Variants in UROS observed in about 807,000 individuals in gnomAD.
UROS encodes the protein uroporphyrinogen-III synthase.
A neutral mutation model predicts 33.0 loss-of-function variants in UROS; 18 were observed. The observed-to-expected ratio is 0.55, with a 90% confidence interval of 0.38 to 0.81. The LOEUF is 0.81. Ranked by LOEUF, UROS falls within the 30% of genes least tolerant of loss-of-function variation. The pLI is 0.00. For synonymous variants in UROS, 114 were observed against 121.1 expected (o/e 0.94, Z 0.38); for missense variants, 293 against 314.9 (o/e 0.93, Z 0.53).
chr10:125,786,171 A>G (rs992939334), downstream of UROS, among the ~76,000 whole-genome samples: 4 of 152,032 alleles, frequency 2.6e-5, no homozygotes, highest in African/African-American at 9.7e-5. Flanking sequence ...TCAAAGCTGA[A>G]CCTCTCCCAG....
Position 125,813,101 on chromosome 10 carries a change from T to C in UROS, c.245-813A>G, listed in dbSNP as rs560084296. Reference sequence around the variant, plus strand: ...CTTCCTACCCCATAAATATCAATAGTATTTATTCAAAAGTTATCCATAGCA... The same window carrying C: ...CTTCCTACCCCATAAATATCAATAGCATTTATTCAAAAGTTATCCATAGCA... On this transcript the variant is annotated intron_variant, in intron 4 of 9. Coordinates refer to ENST00000368797, the MANE Select transcript of UROS (RefSeq NM_000375.3). Among the ~76,000 whole-genome samples the C allele has an allele frequency of 2.6e-5, 4 of 152,306 alleles. No individual in the cohort carries two copies. The South Asian group carries it at 8.3e-4, about 32-fold the overall frequency.
At chr10:125,790,586 A>G (rs1038435422) in intron 9 of UROS, among the ~76,000 whole-genome samples, 1 of 152,134 alleles carries the variant, frequency 6.6e-6, no homozygotes, top group Admixed American at 6.5e-5. Flanking sequence ...AGGTGGGCAG[A>G]TCACCTGAGG....
At chr10:125,795,661 C>T (rs989265304) in intron 8 of UROS, among the ~76,000 whole-genome samples, 6 of 152,152 alleles carry the variant, frequency 3.9e-5, no homozygotes, top group African/African-American at 1.2e-4. Context: ...CCAGCTCCAC[C>T]AGCATCCCCG....
At chr10:125,813,400 G>A (rs189849234) in intron 4 of UROS, among the ~76,000 whole-genome samples, 1 of 152,256 alleles carries the variant, frequency 6.6e-6, no homozygotes, top group Admixed American at 6.5e-5. Context: ...GAGTTATAGT[G>A]ACCTTTCTAG....
At position 125,823,214 on chromosome 10, in the gene UROS, T is replaced by TG. The variant is rs1452934994; in HGVS notation, c.-213dup. 1 of 209,818 alleles carries TG rather than the reference T, an allele frequency of 4.8e-6. No homozygotes were observed. Among genetic ancestry groups the TG allele is most frequent in the Non-Finnish European group, 9.6e-6 (1 of 104,480 alleles). The allele number at this position is 209,818 out of a possible 1,614,324, so 13.0% of individuals were successfully genotyped here. On this transcript the variant is annotated 5_prime_UTR_variant, in exon 1 of 10. Coordinates refer to ENST00000368797, the MANE Select transcript of UROS (RefSeq NM_000375.3). ...GGCCCCAGGACCCCGCACCTCAGAC[T>TG]GGGGTCGCGTGGGTGGCTGCGCGCA...
chr10:125,805,716 T>C (rs985072148), intron 6 of UROS, among the ~76,000 whole-genome samples: 8 of 152,154 alleles, frequency 5.3e-5, no homozygotes, highest in African/African-American at 1.9e-4. Flanking sequence ...CCAGCACAGC[T>C]TGCAGTGGAC....
chr10:125,788,269 G>A (rs1564768186), downstream of UROS, among the ~76,000 whole-genome samples: 1 of 152,188 alleles, frequency 6.6e-6, no homozygotes, highest in Non-Finnish European at 1.5e-5. Context: ...CACTGCATTT[G>A]CACATGAACC....
intron 9 of UROS, among the ~76,000 whole-genome samples, chr10:125,791,070 C>T (rs1244292624): frequency 2.8e-5 from 4 of 144,676 alleles, no homozygotes; most frequent in African/African-American, 1.0e-4. Flanking sequence ...CCAGCCTGGG[C>T]AACAGAGCGA....
At chr10:125,792,469 A>C (rs546087027) in intron 9 of UROS, 78 of 152,364 alleles carry the variant, frequency 5.1e-4, no homozygotes, top group African/African-American at 1.6e-3. Context: ...GTGGCTAGTG[A>C]GCACTAGGTG....
chr10:125,787,137 C>T (rs189078006), downstream of UROS, among the ~76,000 whole-genome samples: 101 of 152,352 alleles, frequency 6.6e-4, no homozygotes, highest in Non-Finnish European at 1.2e-3. Flanking sequence ...AAGGTGGCTT[C>T]GGGTTGTGTG....
intron 1 of UROS, 47 bp from the exon 2 acceptor site, chr10:125,816,572 T>C: frequency 6.3e-7 from 1 of 1,590,234 alleles, no homozygotes; most frequent in East Asian, 2.2e-5. Flanking sequence ...TCAAAGACTC[T>C]TCCTAAGCAA....
chr10:125,793,188 A>T (rs1851073111), intron 9 of UROS: 1 of 152,248 alleles, frequency 6.6e-6, no homozygotes, highest in Non-Finnish European at 1.5e-5. Context: ...CTTGGTTCAG[A>T]TGCTGAGTAT....
chr10:125,818,281 A>C (rs774542939), intron 1 of UROS, among the ~76,000 whole-genome samples: 1 of 152,110 alleles, frequency 6.6e-6, no homozygotes, highest in Non-Finnish European at 1.5e-5. Flanking sequence ...GCAGGAGTCC[A>C]AGATCAGCCT....
chr10:125,792,130 G>T (rs548107833), intron 9 of UROS: 1 of 152,172 alleles, frequency 6.6e-6, no homozygotes, highest in African/African-American at 2.4e-5. Flanking sequence ...AAATTTTATG[G>T]TTTGTGAATT....
At chr10:125,814,257 A>T (rs1317970282) in intron 4 of UROS, among the ~76,000 whole-genome samples, 1 of 152,164 alleles carries the variant, frequency 6.6e-6, no homozygotes, top group East Asian at 1.9e-4. Flanking sequence ...TGGCTGCATA[A>T]ACCCAGGACT....
intron 7 of UROS, chr10:125,796,778 G>A: frequency 1.0e-6 from 1 of 985,254 alleles, no homozygotes; most frequent in Non-Finnish European, 1.2e-6. Context: ...GCTAGGCACT[G>A]AAGGGACTCA....
At chr10:125,807,587 C>A (rs1423872048) in intron 5 of UROS, 100 bp from the exon 6 acceptor site, 2 of 882,540 alleles carry the variant, frequency 2.3e-6, no homozygotes, top group Non-Finnish European at 1.9e-6. Flanking sequence ...ATGCAGTTTA[C>A]AAATCACATA....
chr10:125,805,055 C>T (rs1852200147), intron 6 of UROS, among the ~76,000 whole-genome samples: 3 of 152,222 alleles, frequency 2.0e-5, no homozygotes, highest in African/African-American at 7.2e-5. Flanking sequence ...AGAGAGGCGT[C>T]AGTCAATGCA....
chr10:125,786,099 C>T (rs569160403), downstream of UROS, among the ~76,000 whole-genome samples: 1 of 152,122 alleles, frequency 6.6e-6, no homozygotes. Context: ...GAGTGAGACT[C>T]TGGCTTCCAC....
Sources: gnomAD v4.1 joint callset for allele counts (sites outside exome capture counted in the v4.1 genomes callset) on GRCh38, gnomAD v4.1.1 for gene constraint, MANE v1.5 for transcripts, NCBI Gene and HGNC (gene_info 2026-07-23, HGNC 2026-07-21) for gene names.